Variants in STIMATE observed in about 807,000 individuals in gnomAD.
The protein encoded by STIMATE is STIM activating enhancer, also known as store-operated calcium entry regulator STIMATE.
In STIMATE, 15 loss-of-function variants were observed where a neutral mutation model predicts 36.7. The observed-to-expected ratio is 0.41, with a 90% CI of 0.27 to 0.63. The LOEUF (loss-of-function observed/expected upper bound fraction) is 0.63, where lower values mean the gene tolerates loss of function less well. Ranked by LOEUF, STIMATE falls within the 20% of genes least tolerant of loss-of-function variation. The pLI is 0.32. For synonymous variants in STIMATE, 163 were observed against 162.3 expected, an observed-to-expected ratio of 1.00 and a Z score of -0.03; for missense variants, 305 against 397.3, an observed-to-expected ratio of 0.77 and a Z score of 1.98.
intron 1 of STIMATE, 113 bp downstream of exon 1, chr3:52,897,178 A>C: frequency 7.4e-7 from 1 of 1,357,946 alleles, no homozygotes; most frequent in Non-Finnish European, 9.7e-7. Context: ...TTTGCGGGGG[A>C]GGAGCAATTC....
At chr3:52,878,093 TAAAAA>T (rs532307762) in intron 1 of STIMATE, among the ~76,000 whole-genome samples, 2 of 112,490 alleles carry the variant, frequency 1.8e-5, no homozygotes, top group African/African-American at 6.6e-5. Flanking sequence ...GACTCCGTCT[TAAAAA>T]AAAAAAAAAA....
chr3:52,866,995 A>G (rs1701324192), intron 1 of STIMATE, among the ~76,000 whole-genome samples: 1 of 152,220 alleles, frequency 6.6e-6, no homozygotes, highest in Admixed American at 6.5e-5. Flanking sequence ...GTGTGGCTGC[A>G]TAAAGACAGG....
intron 4 of STIMATE, 132 bp from the exon 5 acceptor site, chr3:52,845,073 CA>C (rs916490619): frequency 1.3e-6 from 1 of 743,296 alleles, no homozygotes; most frequent in South Asian, 2.5e-5. Flanking sequence ...TGAGCCCCCC[CA>C]AAAGTCCAAA....
chr3:52,867,721 T>C (rs916781769), intron 1 of STIMATE, among the ~76,000 whole-genome samples: 1 of 152,200 alleles, frequency 6.6e-6, no homozygotes, highest in Non-Finnish European at 1.5e-5. Context: ...CAGCTGAATA[T>C]CAGCTCATAA....
At position 52,838,851 on chromosome 3, in the gene STIMATE, G is replaced by A. The variant is rs1189603614; in HGVS notation, c.*1643C>T. On this transcript the variant is annotated 3_prime_UTR_variant, in exon 8 of 8. Transcript: ENST00000355083. Reference sequence around the variant, plus strand: ...CTTAAGTGAAACACGTGCTCATGCAGGTCTAAAAGGAAGGTCCTAAGTGGA... The same window carrying A: ...CTTAAGTGAAACACGTGCTCATGCAAGTCTAAAAGGAAGGTCCTAAGTGGA... The A allele has an allele frequency of 6.6e-6, 1 of 152,246 alleles. No homozygotes were observed. Among genetic ancestry groups the A allele is most frequent in the East Asian group, 1.9e-4 (1 of 5,202 alleles). 9.4% of individuals were successfully genotyped at this position (152,246 alleles called of 1,614,324 possible).
At chr3:52,879,518 C>A (rs564731690) in intron 1 of STIMATE, among the ~76,000 whole-genome samples, 24 of 152,240 alleles carry the variant, frequency 1.6e-4, no homozygotes, top group African/African-American at 5.5e-4. Flanking sequence ...AAGTGATACA[C>A]GAGAAGCATG....
At position 52,840,622 on chromosome 3, in the gene STIMATE, G is replaced by A; in HGVS notation, c.769-12C>T. ...GCTGAGATCAGGATCTGAGGCAGTA[G>A]AGAGGCAGGGCCTGAGTCACCCCCA... On this transcript the variant is annotated splice_polypyrimidine_tract_variant and intron_variant, in intron 7 of 7. Transcript: ENST00000355083. The A allele has an allele frequency of 6.2e-7, 1 of 1,610,828 alleles. No individual in the cohort carries two copies.
chr3:52,849,087 A>G (rs759909329), intron 4 of STIMATE, among the ~76,000 whole-genome samples: 5 of 152,176 alleles, frequency 3.3e-5, no homozygotes, highest in Non-Finnish European at 4.4e-5. Flanking sequence ...CCAGGACAGG[A>G]GAGTGGGGAT....
At chr3:52,852,413 G>A (rs1387385963) in intron 3 of STIMATE, among the ~76,000 whole-genome samples, 190 bp downstream of exon 3, 2 of 152,210 alleles carry the variant, frequency 1.3e-5, no homozygotes, top group Non-Finnish European at 2.9e-5. Context: ...AGCCCTACAA[G>A]CCAACTGATA....
At chr3:52,891,243 C>T (rs1701777673) in intron 1 of STIMATE, among the ~76,000 whole-genome samples, 1 of 152,100 alleles carries the variant, frequency 6.6e-6, no homozygotes, top group African/African-American at 2.4e-5. Flanking sequence ...CTCAGGGTGT[C>T]TGGGGTCCCA....
intron 5 of STIMATE, 40 bp from the exon 6 acceptor site, chr3:52,843,838 A>G: frequency 7.0e-7 from 1 of 1,420,506 alleles, no homozygotes; most frequent in African/African-American, 1.4e-5. Flanking sequence ...GGGAGAGGCC[A>G]CCGAGAGTGT....
intron 1 of STIMATE, among the ~76,000 whole-genome samples, chr3:52,860,291 A>G (rs1450864841): frequency 6.6e-6 from 1 of 152,120 alleles, no homozygotes; most frequent in Non-Finnish European, 1.5e-5. Context: ...AGACAGTGCC[A>G]AGCATGGAGG....
intron 1 of STIMATE, among the ~76,000 whole-genome samples, chr3:52,865,681 AT>A (rs1701295710): frequency 6.6e-6 from 1 of 152,182 alleles, no homozygotes; most frequent in Non-Finnish European, 1.5e-5. Flanking sequence ...CAACGTGGGA[AT>A]TATGGGAGTA....
In STIMATE at chr3:52,885,676, C is replaced by G. The variant is rs575298090; in HGVS notation, c.160+11615G>C. Among the ~76,000 whole-genome samples the G allele has an allele frequency of 6.6e-5, 10 of 152,334 alleles. No homozygotes were observed. In the South Asian group the frequency reaches 2.1e-3, roughly 32 times the overall value. ...GCTAAGGTGGAGAGCTTTCCTTCTGCATAGCTCTTTTTCCTCTGTACTGTC... is the reference window on the plus strand; with the variant it reads ...GCTAAGGTGGAGAGCTTTCCTTCTGGATAGCTCTTTTTCCTCTGTACTGTC... On this transcript the variant is annotated intron_variant, in intron 1 of 7. Transcript: ENST00000355083.
intron 1 of STIMATE, among the ~76,000 whole-genome samples, chr3:52,861,918 T>C (rs77572134): frequency 0.096 from 14,672 of 152,206 alleles, 897 homozygotes; most frequent in Non-Finnish European, 0.14. Context: ...CTATCTCCCG[T>C]GGTTCTGTCC....
intron 6 of STIMATE, 99 bp downstream of exon 6, chr3:52,843,622 T>C: frequency 2.1e-6 from 3 of 1,452,774 alleles, no homozygotes; most frequent in South Asian, 2.4e-5. Context: ...CAAAAAGACC[T>C]GAGGGCTACA....
chr3:52,859,381 G>T (rs1235655004), intron 1 of STIMATE, among the ~76,000 whole-genome samples: 1 of 148,320 alleles, frequency 6.7e-6, no homozygotes, highest in African/African-American at 2.5e-5. Context: ...ATTAACAAAG[G>T]CTATGCTGGG....
At chr3:52,873,808 C>A (rs1050581846) in intron 1 of STIMATE, among the ~76,000 whole-genome samples, 1 of 152,206 alleles carries the variant, frequency 6.6e-6, no homozygotes, top group East Asian at 1.9e-4. Flanking sequence ...GGACCCTACC[C>A]TGTGAGCCAG....
chr3:52,839,718 T>C lies in STIMATE; in HGVS notation c.*776A>G, dbSNP rs1700763062. 6.6e-6 allele frequency: 1 copy of C among 152,168 alleles called. No homozygotes were observed. The highest frequency in any genetic ancestry group is 2.4e-5 in the African/African-American group (1 of 41,422). The allele number at this position is 152,168 out of a possible 1,614,324, so 9.4% of individuals were successfully genotyped here. A position where few individuals can be genotyped will look rare whatever the true frequency, so the allele number is the denominator to read the frequency against. On this transcript the variant is annotated 3_prime_UTR_variant, in exon 8 of 8. Transcript: ENST00000355083. ...CCCCATCATTTGTCTCATCTTATCA[T>C]AGGGCATCATCTAATAATATTCCAA...
Sources: allele counts gnomAD v4.1 joint callset (sites outside exome capture counted in the v4.1 genomes callset), GRCh38; gene constraint gnomAD v4.1.1; transcripts MANE v1.5; gene names NCBI Gene and HGNC (gene_info 2026-07-23, HGNC 2026-07-21).